HUWE1: variants seen among roughly 807,000 people sequenced by gnomAD.
The protein encoded by HUWE1 is E3 ubiquitin-protein ligase HUWE1.
A neutral mutation model predicts 299.4 loss-of-function variants in HUWE1; 18 were observed. The observed-to-expected ratio is 0.06, with a 90% confidence interval of 0.04 to 0.09. The LOEUF (loss-of-function observed/expected upper bound fraction) is 0.09, where lower values mean the gene tolerates loss of function less well. Ranked by LOEUF, HUWE1 falls within the 10% of genes least tolerant of loss-of-function variation. The pLI is 1.00. For synonymous variants in HUWE1, 1,317 were observed against 1,286.1 expected (o/e 1.02, Z -0.51); for missense variants, 1,832 against 3,462.3 (o/e 0.53, Z 11.82).
intron 3 of HUWE1, 135 bp from the exon 4 acceptor site, chrX:53,654,266 T>C: frequency 4.2e-6 from 2 of 476,850 alleles, no homozygotes; most frequent in Non-Finnish European, 7.4e-6. Context: ...TATGATGCTA[T>C]GCCAACTCAG....
Position 53,552,696 on chromosome X carries a change from C to T in HUWE1, c.8692G>A (p.Ala2898Thr), listed in dbSNP as rs2061816396. 3.3e-6 allele frequency: 4 copies of T among 1,212,005 alleles called. No individual in the cohort carries two copies. Among genetic ancestry groups the T allele is most frequent in the Non-Finnish European group, 3.3e-6 (3 of 895,564 alleles). The change falls in exon 62 of 84, where the codon GCG (alanine) becomes ACG (threonine). Residue 2898 changes from alanine to threonine, a missense_variant. By Grantham distance (58) the Ala-to-Thr change is moderately conservative. This residue lies in a region of HUWE1 where 143 missense variants were observed against 148.1 expected (regional missense o/e 0.97). Transcript: ENST00000262854. Reference protein sequence around the residue: ...STPGDAPPAVAEVQGRSDGSG... With the variant: ...STPGDAPPAVTEVQGRSDGSG... ...CCATCACTCCTGCCTTGCACTTCCG[C>T]CACAGCTGGTGGGGCATCCCCAGGA...
chrX:53,578,457 C>G (rs1351887271), intron 43 of HUWE1, among the ~76,000 whole-genome samples: 1 of 92,338 alleles, frequency 1.1e-5, no homozygotes, highest in Non-Finnish European at 2.2e-5. Context: ...CTCTGCCCGG[C>G]CAGTCGCCCC....
chrX:53,641,451 C>G (rs2067584238), intron 7 of HUWE1, among the ~76,000 whole-genome samples: 2 of 111,700 alleles, frequency 1.8e-5, no homozygotes, highest in Admixed American at 9.5e-5. Flanking sequence ...TTCACAAAAA[C>G]TAAGTCGAAT....
Position 53,534,042 on chromosome X carries a change from G to C in HUWE1, c.12987C>G (p.Asp4329Glu), listed in dbSNP as rs782105292. Residue 4329 changes from aspartate to glutamate, a missense_variant, in exon 83 of 84, where the codon GAC becomes GAG. By Grantham distance (45) the Asp-to-Glu change is conservative. Around this residue, in one of 15 missense-constraint regions of HUWE1, gnomAD observed 129 missense variants for 439.4 expected, o/e 0.29. Transcript: ENST00000262854. ...GIQKFQIHRD[D>E]RSTDRLPSAH... is the part of the protein sequence containing the mutation. ...CTGAAGGCAGGCGATCTGTGGACCTGTCATCTCGATGGATCTGAAACTTCT... is the reference window on the plus strand; with the variant it reads ...CTGAAGGCAGGCGATCTGTGGACCTCTCATCTCGATGGATCTGAAACTTCT... 8.3e-7 allele frequency: 1 copy of C among 1,211,249 alleles called. No individual in the cohort carries two copies. Among genetic ancestry groups the C allele is most frequent in the Non-Finnish European group, 1.1e-6 (1 of 894,988 alleles).
intron 60 of HUWE1, chrX:53,556,201 G>A (rs192240530): frequency 1.2e-5 from 4 of 341,581 alleles, no homozygotes; most frequent in African/African-American, 2.7e-5. Flanking sequence ...TCTGATGGAG[G>A]CAACACTGCT....
In HUWE1 at chrX:53,568,675, C is replaced by G. The variant is rs782103209; in HGVS notation, c.6707+17G>C. On this transcript the variant is annotated intron_variant, in intron 49 of 83. Transcript: ENST00000262854. Reference sequence around the variant, plus strand: ...GCTGAAGAGAAGGAAAAGCCTGGGGCTGGGGCATGATTTTACCTGGACAGG... The same window carrying G: ...GCTGAAGAGAAGGAAAAGCCTGGGGGTGGGGCATGATTTTACCTGGACAGG... 14 of 1,201,150 alleles carry G rather than the reference C, an allele frequency of 1.2e-5. No individual in the cohort carries two copies. The highest frequency in any genetic ancestry group is 1.6e-5 in the Non-Finnish European group (14 of 887,335).
At chrX:53,638,488 A>G (rs1281815176) in intron 7 of HUWE1, among the ~76,000 whole-genome samples, 2 of 112,500 alleles carry the variant, frequency 1.8e-5, no homozygotes, top group Non-Finnish European at 3.8e-5. Flanking sequence ...CATATACAAC[A>G]CTACCTCACA....
Position 53,576,031 on chromosome X carries a change from C to T in HUWE1, c.5885-243G>A, listed in dbSNP as rs2063087329. On this transcript the variant is annotated intron_variant, in intron 44 of 83. Transcript: ENST00000262854. Reference sequence around the variant, plus strand: ...TAACTACAAACCTTAAGTGAACATACCTGGCACTATTGCTCATGCAGTGGT... The same window carrying T: ...TAACTACAAACCTTAAGTGAACATATCTGGCACTATTGCTCATGCAGTGGT... Among the ~76,000 whole-genome samples, 3 of 112,289 alleles carry T rather than the reference C, an allele frequency of 2.7e-5. No homozygotes were observed. In the South Asian group the frequency reaches 1.1e-3, roughly 41 times the overall value.
chrX:53,647,702 C>T, intron 5 of HUWE1, 128 bp from the exon 6 acceptor site: 1 of 554,937 alleles, frequency 1.8e-6, no homozygotes. Context: ...CCACCCTTGC[C>T]CATATGAGAA....
At chrX:53,623,636 T>C (rs782121678) in intron 19 of HUWE1, among the ~76,000 whole-genome samples, 1 of 111,592 alleles carries the variant, frequency 9.0e-6, no homozygotes, top group Admixed American at 9.4e-5. Context: ...TCTTTGCTAA[T>C]GTCATAAGAC....
chrX:53,633,622 C>T (rs1445786945), intron 8 of HUWE1, among the ~76,000 whole-genome samples: 22 of 112,500 alleles, frequency 2.0e-4, no homozygotes, highest in African/African-American at 7.1e-4. Context: ...GTGCTAAACA[C>T]GACAAACTGA....
chrX:53,602,613 C>T lies in HUWE1; in HGVS notation c.2922G>A (p.Leu974=), dbSNP rs1206390675. The change falls in exon 28 of 84, where the codon CTG becomes CTA. Residue 974 remains leucine, a synonymous_variant. Coordinates refer to ENST00000262854, the MANE Select transcript of HUWE1 (RefSeq NM_031407.7). ...TACCTGCCTTCTCATCCTTTGGAAC[C>T]AGTTTCTGCATATCTGCCTGGCCAA... ...CEFGQADMQK[L]VPKDEKAGTT... 2 of 1,198,669 alleles carry T rather than the reference C, an allele frequency of 1.7e-6. No homozygotes were observed. The highest frequency in any genetic ancestry group is 2.3e-6 in the Non-Finnish European group (2 of 884,698).
chrX:53,538,697 TACACACAC>T (rs781962529), intron 76 of HUWE1, 130 bp downstream of exon 76: 67 of 434,467 alleles, frequency 1.5e-4, no homozygotes, highest in Middle Eastern at 1.3e-3. Context: ...TGTGTGTATG[TACACACAC>T]ACACACACAC....
chrX:53,566,270 A>C (rs1277093496), intron 49 of HUWE1, among the ~76,000 whole-genome samples: 1 of 105,497 alleles, frequency 9.5e-6, no homozygotes, highest in East Asian at 3.0e-4. Flanking sequence ...GGAAGGGATA[A>C]GGTAAGCCTG....
chrX:53,575,302 C>T, intron 45 of HUWE1, 81 bp from the exon 46 acceptor site: 1 of 736,648 alleles, frequency 1.4e-6, no homozygotes, highest in Admixed American at 2.5e-5. Context: ...TCCCAGGGCA[C>T]TGGCTGGGAA....
intron 42 of HUWE1, 113 bp from the exon 43 acceptor site, chrX:53,581,139 ATTT>A: frequency 1.5e-6 from 1 of 646,608 alleles, no homozygotes; most frequent in Non-Finnish European, 2.3e-6. Context: ...ATGACATTTT[ATTT>A]TTAAGTCCCG....
chrX:53,551,560 G>T, intron 63 of HUWE1, 80 bp from the exon 64 acceptor site: 1 of 896,554 alleles, frequency 1.1e-6, no homozygotes, highest in Non-Finnish European at 1.6e-6. Context: ...TGCCCAGGCT[G>T]GAGTGTAGTG....
intron 35 of HUWE1, 76 bp downstream of exon 35, chrX:53,590,328 G>A (rs1346475173): frequency 1.5e-5 from 10 of 660,950 alleles, no homozygotes; most frequent in Non-Finnish European, 2.5e-5. Flanking sequence ...CAATTAGTTT[G>A]CAATACTAGC....
In HUWE1 at chrX:53,534,096, A is replaced by G; in HGVS notation, c.12933T>C (p.Phe4311=). The G allele has an allele frequency of 8.3e-7, 1 of 1,210,863 alleles. No homozygotes were observed. The highest frequency in any genetic ancestry group is 1.1e-6 in the Non-Finnish European group (1 of 894,453). ...TGTSKVPLQG[F]AALEGMNGIQ... is the part of the protein sequence containing the mutation. ...TGCCATTCATGCCTTCGAGGGCAGC[A>G]AAGCCTTGCAGGGGTACCTTGGAAG... The change falls in exon 83 of 84, where the codon TTT becomes TTC. Residue 4311 remains phenylalanine (F), a synonymous_variant. Transcript: ENST00000262854.
Sources: allele counts gnomAD v4.1 joint callset (sites outside exome capture counted in the v4.1 genomes callset), GRCh38; gene constraint gnomAD v4.1.1; regional missense constraint gnomAD v4.1.1; transcripts MANE v1.5; gene names NCBI Gene and HGNC (gene_info 2026-07-23, HGNC 2026-07-21).